The following CADPS2 variants were observed in gnomAD, a reference collection of about 807,000 sequenced individuals.
CADPS2 encodes the protein calcium-dependent secretion activator 2.
CADPS2 carries 93 observed loss-of-function variants against 172.5 expected under a neutral mutation model. The ratio of observed to expected loss-of-function variants is 0.54; its 90% CI spans 0.46 to 0.64. The LOEUF is 0.64. Among genes scored for constraint, CADPS2 ranks in the 30% least tolerant of loss-of-function variants. CADPS2 has a pLI of 0.00. For missense variants in CADPS2, 1,420 were observed against 1,565.9 expected, an observed-to-expected ratio of 0.91 and a Z score of 1.57; for synonymous variants, 546 against 555.2, an observed-to-expected ratio of 0.98 and a Z score of 0.23.
intron 2 of CADPS2, among the ~76,000 whole-genome samples, chr7:122,673,780 C>T (rs554925599): frequency 6.6e-6 from 1 of 152,348 alleles, no homozygotes; most frequent in East Asian, 1.9e-4. Flanking sequence ...GGGCTGCAGG[C>T]AGAGCTGCCC....
intron 2 of CADPS2, chr7:122,701,779 A>T: frequency 8.5e-7 from 1 of 1,179,616 alleles, no homozygotes; most frequent in East Asian, 2.3e-5. Flanking sequence ...CAATTTATCT[A>T]ATCTTTGTAT....
chr7:122,748,735 G>A (rs933532499), intron 1 of CADPS2, among the ~76,000 whole-genome samples: 2 of 152,116 alleles, frequency 1.3e-5, no homozygotes, highest in African/African-American at 4.8e-5. Context: ...TCATCTTTGT[G>A]CACCATCCTT....
chr7:122,635,225 T>A (rs1281892713), intron 3 of CADPS2, among the ~76,000 whole-genome samples: 5 of 152,166 alleles, frequency 3.3e-5, no homozygotes, highest in Non-Finnish European at 5.9e-5. Context: ...GATGATCTAA[T>A]GCTGTCAGTG....
chr7:122,617,263 C>G (rs765557684), intron 5 of CADPS2, among the ~76,000 whole-genome samples: 13 of 152,266 alleles, frequency 8.5e-5, no homozygotes, highest in African/African-American at 3.1e-4. Flanking sequence ...TCAAAAGATA[C>G]AGCTTCTGTG....
At chr7:122,398,737 CT>C (rs1554494767) in intron 20 of CADPS2, among the ~76,000 whole-genome samples, 7 of 129,768 alleles carry the variant, frequency 5.4e-5, no homozygotes, top group African/African-American at 2.0e-4. Flanking sequence ...GGAAAACACT[CT>C]TCTCTCTCTC....
At chr7:122,658,267 T>C (rs894790337) in intron 3 of CADPS2, among the ~76,000 whole-genome samples, 8 of 152,054 alleles carry the variant, frequency 5.3e-5, no homozygotes, top group South Asian at 2.1e-4. Flanking sequence ...TGTGGAGAAA[T>C]AGGAACACTT....
chr7:122,574,356 A>G lies in CADPS2; in HGVS notation c.1335+6823T>C, dbSNP rs2067678471. Reference sequence around the variant, plus strand: ...AGATACTCTGGAAGCTGAGGTAGGAAGATCTCTTGAGCCTAGCAGGTGGAG... The same window carrying G: ...AGATACTCTGGAAGCTGAGGTAGGAGGATCTCTTGAGCCTAGCAGGTGGAG... On this transcript the variant is annotated intron_variant, in intron 7 of 29. Coordinates refer to ENST00000449022, the MANE Select transcript of CADPS2 (RefSeq NM_017954.11). Among the ~76,000 whole-genome samples the G allele has an allele frequency of 2.8e-5, 4 of 143,414 alleles. No individual in the cohort carries two copies. In the South Asian group the frequency reaches 9.2e-4, roughly 33 times the overall value. The allele number at this position is 143,414 out of a possible 152,430, so 94.1% of individuals were successfully genotyped here. A position where few individuals can be genotyped will look rare whatever the true frequency, so the allele number is the denominator to read the frequency against.
At chr7:122,634,736 T>C (rs868840410) in intron 3 of CADPS2, among the ~76,000 whole-genome samples, 60 of 152,310 alleles carry the variant, frequency 3.9e-4, no homozygotes, top group African/African-American at 1.4e-3. Flanking sequence ...CCTCTAGGTA[T>C]ATTGTTAGAT....
chr7:122,355,741 G>A (rs896768571), intron 27 of CADPS2, among the ~76,000 whole-genome samples: 2 of 152,110 alleles, frequency 1.3e-5, no homozygotes, highest in Non-Finnish European at 2.9e-5. Flanking sequence ...AACTCACATG[G>A]TGACAGAACA....
intron 1 of CADPS2, among the ~76,000 whole-genome samples, chr7:122,782,817 C>T (rs554952854): frequency 5.3e-5 from 8 of 152,138 alleles, no homozygotes; most frequent in South Asian, 4.2e-4. Flanking sequence ...TTGTTTGGTA[C>T]ATCCATATTT....
Position 122,621,529 on chromosome 7 carries a change from A to G in CADPS2, c.1056T>C (p.Asn352=). The G allele has an allele frequency of 6.2e-7, 1 of 1,613,372 alleles. No homozygotes were observed. The highest frequency in any genetic ancestry group is 1.7e-5 in the Admixed American group (1 of 60,014). ...CGTCGGACTTTGACAGCTGAATCTC[A>G]TTCTCATCTCCTATGTCCAAAAATG... ...NSAFLDIGDE[N]EIQLSKSDVV... The change falls in exon 5 of 30, where the codon AAT becomes AAC. Residue 352 remains asparagine, a synonymous_variant. Coordinates refer to ENST00000449022, the MANE Select transcript of CADPS2 (RefSeq NM_017954.11).
At chr7:122,333,635 T>C (rs2035373340) in intron 28 of CADPS2, among the ~76,000 whole-genome samples, 1 of 152,206 alleles carries the variant, frequency 6.6e-6, no homozygotes. Flanking sequence ...CTCTGCTTCT[T>C]AGCCAATACT....
intron 28 of CADPS2, among the ~76,000 whole-genome samples, chr7:122,329,713 A>G (rs2034578006): frequency 6.6e-6 from 1 of 152,144 alleles, no homozygotes; most frequent in South Asian, 2.1e-4. Flanking sequence ...CTTCACCTTT[A>G]TTTTGGAAGT....
chr7:122,871,208 G>C (rs1319393483), intron 1 of CADPS2, among the ~76,000 whole-genome samples: 1 of 151,572 alleles, frequency 6.6e-6, no homozygotes, highest in Non-Finnish European at 1.5e-5. Flanking sequence ...TTACACCCTG[G>C]TTTCATCCCA....
At chr7:122,441,181 C>T (rs987543127) in intron 16 of CADPS2, among the ~76,000 whole-genome samples, 3 of 151,836 alleles carry the variant, frequency 2.0e-5, no homozygotes, top group Admixed American at 1.3e-4. Flanking sequence ...TAATAAAAGA[C>T]AACTGTAAAG....
chr7:122,634,846 T>C (rs536268175), intron 3 of CADPS2, among the ~76,000 whole-genome samples: 2 of 152,244 alleles, frequency 1.3e-5, no homozygotes, highest in East Asian at 3.9e-4. Context: ...TTTTGGTAAG[T>C]TCTGTCTCTA....
chr7:122,831,562 A>C (rs574473000), intron 1 of CADPS2, among the ~76,000 whole-genome samples: 2 of 152,358 alleles, frequency 1.3e-5, no homozygotes, highest in South Asian at 4.1e-4. Flanking sequence ...GGAGGGAAAG[A>C]ATTGCTGTTT....
At position 122,663,246 on chromosome 7, in the gene CADPS2, AT is replaced by A. The variant is rs1427994907; in HGVS notation, c.776del (p.Asn259MetfsTer39). On this transcript the variant is annotated frameshift_variant, in exon 3 of 30. Coordinates refer to ENST00000449022, the MANE Select transcript of CADPS2 (RefSeq NM_017954.11). LOFTEE classifies it high-confidence loss of function. ...IKKLEHQLLY[N>X]ACQLDNADEQ... Reference sequence around the variant, plus strand: ...ATCAGAGACCACTTACCTGACATGCATTATAAAGGAGCTGGTGTTCCAGTTT... The same window carrying A: ...ATCAGAGACCACTTACCTGACATGCATATAAAGGAGCTGGTGTTCCAGTTT... 6.2e-7 allele frequency: 1 copy of A among 1,608,748 alleles called. No individual in the cohort carries two copies. The highest frequency in any genetic ancestry group is 8.5e-7 in the Non-Finnish European group (1 of 1,175,978).
chr7:122,416,760 T>C (rs73717649), intron 17 of CADPS2, among the ~76,000 whole-genome samples: 2,030 of 152,244 alleles, frequency 0.013, 43 homozygotes, highest in African/African-American at 0.046. Flanking sequence ...GCAGAAGTGT[T>C]CTTTGAAGCT....
Sources: allele counts gnomAD v4.1 joint callset (sites outside exome capture counted in the v4.1 genomes callset), GRCh38; gene constraint gnomAD v4.1.1; transcripts MANE v1.5; gene names NCBI Gene and HGNC (gene_info 2026-07-23, HGNC 2026-07-21).